HDGFL3: variants seen among roughly 807,000 people sequenced by gnomAD.
HDGFL3 encodes hepatoma-derived growth factor-related protein 3.
A neutral mutation model predicts 27.6 loss-of-function variants in HDGFL3; 6 were observed. That is an observed-to-expected ratio of 0.22 (90% CI 0.12 to 0.43). HDGFL3 has a LOEUF of 0.43. Among genes scored for constraint, HDGFL3 ranks in the 20% least tolerant of loss-of-function variants. HDGFL3 has a pLI of 1.00. For synonymous variants in HDGFL3, 88 were observed against 88.9 expected, an observed-to-expected ratio of 0.99 and a Z score of 0.05; for missense variants, 207 against 250.1, an observed-to-expected ratio of 0.83 and a Z score of 1.16.
At chr15:83,190,529 G>A (rs950632598) in intron 1 of HDGFL3, among the ~76,000 whole-genome samples, 11 of 152,140 alleles carry the variant, frequency 7.2e-5, no homozygotes, top group African/African-American at 2.4e-4. Context: ...TGCATTTCCC[G>A]ATTACTTATG....
In HDGFL3 at chr15:83,207,462, G is replaced by A; in HGVS notation, c.-48C>T. On this transcript the variant is annotated 5_prime_UTR_variant, in exon 1 of 6. Transcript: ENST00000299633. This position sits in a 1 kb window ranked among gnomAD's most constrained non-coding sequence, Gnocchi z 4.8. ...AGTCCTTGGTCGCCGCGAAGATGCC[G>A]GGAGGCCGCCCCCCCGCGGGCCGAC... The A allele has an allele frequency of 8.1e-6, 10 of 1,242,216 alleles. No homozygotes were observed. Among genetic ancestry groups the A allele is most frequent in the Non-Finnish European group, 1.0e-5 (10 of 979,264 alleles). 76.9% of individuals were successfully genotyped at this position (1,242,216 alleles called of 1,614,324 possible).
At chr15:83,173,657 CCATT>C (rs1270595779) in intron 1 of HDGFL3, among the ~76,000 whole-genome samples, 4 of 152,230 alleles carry the variant, frequency 2.6e-5, no homozygotes, top group Middle Eastern at 3.4e-3. Context: ...CCAAGCAACC[CCATT>C]CACTTAGATG....
chr15:83,135,182 C>T lies in HDGFL3; in HGVS notation c.*4088G>A, dbSNP rs2036528114. On this transcript the variant is annotated 3_prime_UTR_variant, in exon 6 of 6. Transcript: ENST00000299633. ...ATATCAGGAATTTGTAAAAATGCAG[C>T]CCATTAAAATATCTGCCACTGATAA... is the stretch of plus-strand genomic sequence containing the variant. 1 of 152,128 alleles carries T rather than the reference C, an allele frequency of 6.6e-6. No individual in the cohort carries two copies. Among genetic ancestry groups the T allele is most frequent in the African/African-American group, 2.4e-5 (1 of 41,418 alleles). 9.4% of individuals were successfully genotyped at this position (152,128 alleles called of 1,614,324 possible).
chr15:83,157,243 C>G (rs1338724139), intron 4 of HDGFL3, 172 bp downstream of exon 4: 27 of 658,684 alleles, frequency 4.1e-5, no homozygotes, highest in Non-Finnish European at 6.7e-5. Flanking sequence ...AGTCAGATTG[C>G]TCTAATATCT....
At chr15:83,122,854 A>G (rs1273832801), downstream of HDGFL3, 5 of 1,613,978 alleles carry the variant, frequency 3.1e-6, no homozygotes. Flanking sequence ...ATCAGCCATC[A>G]GAAAATTATA....
At chr15:83,187,926 C>T (rs546108716) in intron 1 of HDGFL3, among the ~76,000 whole-genome samples, 52 of 145,754 alleles carry the variant, frequency 3.6e-4, no homozygotes, top group African/African-American at 1.3e-3. Flanking sequence ...TTGCAGTAAA[C>T]ACACATTTTT....
intron 1 of HDGFL3, among the ~76,000 whole-genome samples, chr15:83,187,340 TTGTG>T (rs542855423): frequency 2.6e-5 from 4 of 151,412 alleles, no homozygotes; most frequent in Non-Finnish European, 4.4e-5. Context: ...AGTTTTTTTT[TTGTG>T]TGTGTGTGTG....
intron 1 of HDGFL3, among the ~76,000 whole-genome samples, chr15:83,165,834 C>G (rs936976365): frequency 6.8e-6 from 1 of 146,492 alleles, no homozygotes. Flanking sequence ...AATAGACTGA[C>G]CAAGCAGATG....
At chr15:83,189,792 T>G (rs2037489629) in intron 1 of HDGFL3, among the ~76,000 whole-genome samples, 1 of 152,222 alleles carries the variant, frequency 6.6e-6, no homozygotes, top group African/African-American at 2.4e-5. Context: ...GCTTTATTAT[T>G]TTTGACACTG....
intron 1 of HDGFL3, among the ~76,000 whole-genome samples, chr15:83,177,170 C>A (rs1169376102): frequency 6.6e-6 from 1 of 152,186 alleles, no homozygotes; most frequent in African/African-American, 2.4e-5. Context: ...CCATCCGCCT[C>A]GGCCTCCCGA....
intron 1 of HDGFL3, among the ~76,000 whole-genome samples, chr15:83,187,271 C>T (rs1809875627): frequency 6.6e-6 from 1 of 151,412 alleles, no homozygotes; most frequent in African/African-American, 2.4e-5. Context: ...CTACTTATAA[C>T]AAAGTATGCT....
At chr15:83,140,409 A>G (rs1025774179) in intron 5 of HDGFL3, among the ~76,000 whole-genome samples, 72 of 151,876 alleles carry the variant, frequency 4.7e-4, no homozygotes, top group African/African-American at 1.7e-3. Flanking sequence ...GATACTTTGG[A>G]GGATCTTCCT....
intron 1 of HDGFL3, among the ~76,000 whole-genome samples, chr15:83,199,662 T>C (rs549338616): frequency 2.7e-4 from 41 of 152,294 alleles, no homozygotes; most frequent in African/African-American, 8.9e-4. Context: ...ATGAGAAGAA[T>C]AGTTTATTCT....
At chr15:83,127,723 A>C, downstream of HDGFL3, 4 of 377,998 alleles carry the variant, frequency 1.1e-5, no homozygotes, top group South Asian at 1.1e-4. Flanking sequence ...AGTGAAGTTA[A>C]ATGATTTGCC....
chr15:83,115,346 G>A (rs1005811504), exon 4 of HDGFL3: 1 of 274,926 alleles, frequency 3.6e-6, no homozygotes, highest in South Asian at 3.9e-5. Context: ...TTGAACTCCT[G>A]ACCTCAGGTG....
At chr15:83,150,664 T>C (rs1324933942) in intron 5 of HDGFL3, among the ~76,000 whole-genome samples, 1 of 152,226 alleles carries the variant, frequency 6.6e-6, no homozygotes, top group East Asian at 1.9e-4. Flanking sequence ...TCAAGTTTTT[T>C]ACAAAGGTGG....
At position 83,139,228 on chromosome 15, in the gene HDGFL3, C is replaced by T; in HGVS notation, c.*42G>A. 1.5e-6 allele frequency: 2 copies of T among 1,369,412 alleles called. No homozygotes were observed. Among genetic ancestry groups the T allele is most frequent in the East Asian group, 2.5e-5 (1 of 39,754 alleles). The allele number at this position is 1,369,412 out of a possible 1,614,324, so 84.8% of individuals were successfully genotyped here. On this transcript the variant is annotated 3_prime_UTR_variant, in exon 6 of 6. Transcript: ENST00000299633. ...AATATTAGACAACCAAACATATAAC[C>T]TTCTTGTGGTTTCTCTTAATATGCA...
Position 83,133,890 on chromosome 15 carries a change from G to C in HDGFL3, c.*5380C>G, listed in dbSNP as rs912268294. The C allele has an allele frequency of 2.0e-5, 3 of 152,364 alleles. No homozygotes were observed. The highest frequency in any genetic ancestry group is 7.2e-5 in the African/African-American group (3 of 41,572). The allele number at this position is 152,364 out of a possible 1,614,324, so 9.4% of individuals were successfully genotyped here. On this transcript the variant is annotated 3_prime_UTR_variant, in exon 6 of 6. Coordinates refer to ENST00000299633, the MANE Select transcript of HDGFL3 (RefSeq NM_016073.4). ...CTATGGTCAGGTGCTCACTCAGCTG[G>C]AAGTGTGGCCACCATAAGTACATCC...
At chr15:83,192,800 T>C (rs773105466) in intron 1 of HDGFL3, among the ~76,000 whole-genome samples, 3 of 152,202 alleles carry the variant, frequency 2.0e-5, no homozygotes, top group East Asian at 1.9e-4. Context: ...CCACCCTATA[T>C]GTACAACATC....
Sources: allele counts gnomAD v4.1 joint callset (sites outside exome capture counted in the v4.1 genomes callset), GRCh38; gene constraint gnomAD v4.1.1; non-coding constraint Gnocchi (gnomAD v3.1); transcripts MANE v1.5; gene names NCBI Gene and HGNC (gene_info 2026-07-23, HGNC 2026-07-21).